The following USP34 variants were observed in gnomAD, a reference collection of about 807,000 sequenced individuals.
The protein encoded by USP34 is ubiquitin carboxyl-terminal hydrolase 34.
USP34 carries 70 observed loss-of-function variants against 460.3 expected under a neutral mutation model. The ratio of observed to expected loss-of-function variants is 0.15; its 90% CI spans 0.13 to 0.19. The LOEUF is 0.19. USP34 is among the 10% of genes least tolerant of loss of function. The pLI is 1.00. For missense variants in USP34, 3,985 were observed against 4,236.2 expected, an observed-to-expected ratio of 0.94 and a Z score of 1.65; for synonymous variants, 1,647 against 1,405.3, an observed-to-expected ratio of 1.17 and a Z score of -3.85.
chr2:61,274,129 C>T (rs927959770), intron 41 of USP34, among the ~76,000 whole-genome samples: 1 of 151,878 alleles, frequency 6.6e-6, no homozygotes, highest in Non-Finnish European at 1.5e-5. Context: ...GTGGTTCACG[C>T]CTGTAATGCC....
At chr2:61,367,327 C>T (rs1174215007) in intron 10 of USP34, among the ~76,000 whole-genome samples, 2 of 150,560 alleles carry the variant, frequency 1.3e-5, no homozygotes, top group African/African-American at 2.4e-5. Context: ...CACACGCGCG[C>T]GCACACACAC....
rs190651974 is a variant in USP34 at position 61,245,109 on chromosome 2, A to G, written c.6627+101T>C. On this transcript the variant is annotated intron_variant, in intron 51 of 79. Transcript: ENST00000398571. ...CTGAATAAATTTTTGATTTAATCAT[A>G]GCAATTAAAAGAAAGTTAAGCGACT... is the stretch of plus-strand genomic sequence containing the variant. 1.2e-3 allele frequency: 888 copies of G among 737,020 alleles called. 1 individual carries two copies. The highest frequency in any genetic ancestry group is 1.9e-3 in the Non-Finnish European group (833 of 450,044). The allele number at this position is 737,020 out of a possible 1,614,324, so 45.7% of individuals were successfully genotyped here. A position where few individuals can be genotyped will look rare whatever the true frequency, so the allele number is the denominator to read the frequency against.
intron 21 of USP34, among the ~76,000 whole-genome samples, chr2:61,324,055 A>G (rs1270730340): frequency 6.6e-6 from 1 of 152,234 alleles, no homozygotes; most frequent in Non-Finnish European, 1.5e-5. Context: ...TCCTAGCAAG[A>G]CAGCCATCAG....
chr2:61,306,309 T>C (rs1003086186), intron 27 of USP34, among the ~76,000 whole-genome samples: 48 of 152,170 alleles, frequency 3.2e-4, no homozygotes, highest in African/African-American at 1.0e-3. Context: ...TTTCCCAGCA[T>C]CATTTATTAA....
intron 5 of USP34, among the ~76,000 whole-genome samples, chr2:61,394,026 C>G (rs1693438185): frequency 6.6e-6 from 1 of 151,926 alleles, no homozygotes; most frequent in South Asian, 2.1e-4. Context: ...GAGGCTGAGG[C>G]AGAAGAATCG....
chr2:61,222,840 C>T (rs1282136465), intron 64 of USP34, 177 bp from the exon 65 acceptor site: 3 of 684,690 alleles, frequency 4.4e-6, no homozygotes, highest in Non-Finnish European at 7.5e-6. Context: ...GGACTACAGG[C>T]ATGTGCCACT....
intron 54 of USP34, 25 bp from the exon 55 acceptor site, chr2:61,236,261 A>G: frequency 6.2e-7 from 1 of 1,600,302 alleles, no homozygotes; most frequent in African/African-American, 1.3e-5. Flanking sequence ...TAATCATTTA[A>G]AATTCACACG....
intron 10 of USP34, among the ~76,000 whole-genome samples, chr2:61,365,148 A>T (rs1380678496): frequency 1.3e-5 from 2 of 151,652 alleles, no homozygotes; most frequent in Non-Finnish European, 2.9e-5. Context: ...GCTACTCAGG[A>T]GGCTGAGGCA....
intron 51 of USP34, among the ~76,000 whole-genome samples, chr2:61,243,392 C>A (rs992089915): frequency 1.3e-5 from 2 of 152,042 alleles, no homozygotes; most frequent in African/African-American, 4.8e-5. Context: ...GGTGATCCAC[C>A]TGCTTCGGCC....
chr2:61,329,072 A>C (rs1345562929), intron 20 of USP34, among the ~76,000 whole-genome samples: 1 of 152,152 alleles, frequency 6.6e-6, no homozygotes, highest in Non-Finnish European at 1.5e-5. Context: ...CCCAGGCTGA[A>C]GTGCAGTGGT....
intron 2 of USP34, among the ~76,000 whole-genome samples, chr2:61,408,579 T>A (rs2103942186): frequency 6.6e-6 from 1 of 152,236 alleles, no homozygotes; most frequent in African/African-American, 2.4e-5. Flanking sequence ...TTTCCTTTGA[T>A]GTTTAGGAAA....
At chr2:61,388,868 A>G (rs554569620) in intron 5 of USP34, among the ~76,000 whole-genome samples, 6 of 152,118 alleles carry the variant, frequency 3.9e-5, no homozygotes, top group Admixed American at 3.9e-4. Context: ...CATGTTCACC[A>G]AAACACACAT....
chr2:61,272,780 GAAC>G (rs1316011366), intron 41 of USP34, among the ~76,000 whole-genome samples: 2 of 152,054 alleles, frequency 1.3e-5, no homozygotes, highest in East Asian at 1.9e-4. Flanking sequence ...AGAATGCTAA[GAAC>G]AACTAACTTA....
At chr2:61,372,481 CA>C (rs1255914997) in intron 8 of USP34, among the ~76,000 whole-genome samples, 1 of 152,100 alleles carries the variant, frequency 6.6e-6, no homozygotes, top group East Asian at 1.9e-4. Context: ...GTAATCCTAG[CA>C]CTTTGGGAGA....
chr2:61,369,615 C>A (rs1692547319), intron 10 of USP34, among the ~76,000 whole-genome samples: 2 of 135,354 alleles, frequency 1.5e-5, no homozygotes. Flanking sequence ...GGCATTCCAG[C>A]CTGGGCTACA....
intron 51 of USP34, among the ~76,000 whole-genome samples, chr2:61,244,382 C>T (rs1039518455): frequency 7.9e-5 from 12 of 152,148 alleles, no homozygotes; most frequent in Non-Finnish European, 1.5e-4. Context: ...TCGGAGGCTG[C>T]AGTAGGTGGA....
chr2:61,319,934 A>G (rs1391508103), intron 21 of USP34, among the ~76,000 whole-genome samples: 1 of 152,234 alleles, frequency 6.6e-6, no homozygotes, highest in Non-Finnish European at 1.5e-5. Flanking sequence ...CTATATATAC[A>G]TTTAAGAAAG....
chr2:61,428,703 C>A (rs375123463), intron 1 of USP34, among the ~76,000 whole-genome samples: 1 of 152,134 alleles, frequency 6.6e-6, no homozygotes, highest in East Asian at 1.9e-4. Context: ...AGCCACGGAA[C>A]GAGCAGTTTC....
chr2:61,285,065 C>A, intron 34 of USP34, 108 bp from the exon 35 acceptor site: 2 of 732,082 alleles, frequency 2.7e-6, no homozygotes, highest in South Asian at 2.4e-5. Flanking sequence ...AAAATTTTAA[C>A]CCAAAATTCC....
Sources: gnomAD v4.1 joint callset for allele counts (sites outside exome capture counted in the v4.1 genomes callset) on GRCh38, gnomAD v4.1.1 for gene constraint, MANE v1.5 for transcripts, NCBI Gene and HGNC (gene_info 2026-07-23, HGNC 2026-07-21) for gene names.